Variants in LRFN2 observed in about 807,000 individuals in gnomAD.
LRFN2 encodes leucine-rich repeat and fibronectin type-III domain-containing protein 2.
A neutral mutation model predicts 37.3 loss-of-function variants in LRFN2; 18 were observed. The ratio of observed to expected loss-of-function variants is 0.48; its 90% CI spans 0.33 to 0.72. LRFN2 has a LOEUF of 0.72. LRFN2 is among the 30% of genes least tolerant of loss of function. The pLI is 0.02. For missense variants in LRFN2, 1,006 were observed against 1,060.7 expected (o/e 0.95, Z 0.72); for synonymous variants, 556 against 466.6 (o/e 1.19, Z -2.47).
intron 1 of LRFN2, among the ~76,000 whole-genome samples, chr6:40,525,786 A>G (rs1470992158): frequency 6.6e-6 from 1 of 151,966 alleles, no homozygotes; most frequent in African/African-American, 2.4e-5. Flanking sequence ...CAGGCCTCCA[A>G]CCACCAGCCC....
intron 1 of LRFN2, among the ~76,000 whole-genome samples, chr6:40,550,123 C>G (rs375982): frequency 0.12 from 18,480 of 152,172 alleles, 1,397 homozygotes; most frequent in Non-Finnish European, 0.16. Context: ...GGTGCAGCTG[C>G]GGCACAGCCA....
intron 1 of LRFN2, among the ~76,000 whole-genome samples, chr6:40,433,657 A>T (rs561251093): frequency 2.0e-5 from 3 of 152,332 alleles, no homozygotes; most frequent in South Asian, 4.1e-4. Context: ...CTTAGCATGA[A>T]ATTAAATTGA....
Position 40,418,648 on chromosome 6 carries a change from A to G in LRFN2, c.1400+13066T>C, listed in dbSNP as rs140798059. On this transcript the variant is annotated intron_variant, in intron 2 of 2. Coordinates refer to ENST00000338305, the MANE Select transcript of LRFN2 (RefSeq NM_020737.3). ...CAGCAACAGGAGGAAGCCCAAAGTC[A>G]GGACAGCACTTGTTCCAAGCTCAAG... Among the ~76,000 whole-genome samples the G allele has an allele frequency of 3.0e-4, 45 of 152,342 alleles. No homozygotes were observed. In the East Asian group the frequency reaches 8.5e-3, roughly 29 times the overall value.
At chr6:40,578,659 C>A (rs914040203) in intron 1 of LRFN2, among the ~76,000 whole-genome samples, 1 of 152,104 alleles carries the variant, frequency 6.6e-6, no homozygotes, top group South Asian at 2.1e-4. Flanking sequence ...TAGAAAAATA[C>A]CACTATTTCT....
chr6:40,403,318 G>T (rs111330861), intron 2 of LRFN2, among the ~76,000 whole-genome samples: 1 of 7,984 alleles, frequency 1.3e-4, no homozygotes, highest in African/African-American at 1.4e-4. Flanking sequence ...GATAATGGGG[G>T]AAGCACATGT....
intron 1 of LRFN2, among the ~76,000 whole-genome samples, chr6:40,505,026 G>T (rs1765495039): frequency 6.6e-6 from 1 of 152,222 alleles, no homozygotes; most frequent in Admixed American, 6.5e-5. Flanking sequence ...ATGGCAGAGG[G>T]CAGAGGTGAA....
At chr6:40,515,874 CAG>C (rs1248483216) in intron 1 of LRFN2, among the ~76,000 whole-genome samples, 4 of 125,268 alleles carry the variant, frequency 3.2e-5, no homozygotes, top group Non-Finnish European at 4.7e-5. Flanking sequence ...GCCTGGGCAG[CAG>C]AGTGAGACTC....
rs1763100531 is a variant in LRFN2, at chr6:40,416,683, G to GAGAACTGA, written c.1400+15023_1400+15030dup. On this transcript the variant is annotated intron_variant, in intron 2 of 2. Coordinates refer to ENST00000338305, the MANE Select transcript of LRFN2 (RefSeq NM_020737.3). ...AGCCCTTGGCAATAAGTCCACACAGGAGAACTGAGCTTTGAGGTCACCTCG... is the reference window on the plus strand; with the variant it reads ...AGCCCTTGGCAATAAGTCCACACAGGAGAACTGAAGAACTGAGCTTTGAGGTCACCTCG... 4.6e-5 allele frequency among the ~76,000 whole-genome samples: 7 copies of GAGAACTGA among 152,260 alleles called. No homozygotes were observed. In the South Asian group the frequency reaches 1.5e-3, roughly 32 times the overall value.
At chr6:40,440,094 G>A (rs896180168) in intron 1 of LRFN2, among the ~76,000 whole-genome samples, 5 of 151,258 alleles carry the variant, frequency 3.3e-5, no homozygotes, top group South Asian at 4.2e-4. Flanking sequence ...TCATAAACCC[G>A]ATAAAAACAG....
intron 1 of LRFN2, among the ~76,000 whole-genome samples, chr6:40,495,985 T>A (rs1232628786): frequency 6.6e-6 from 1 of 151,810 alleles, no homozygotes; most frequent in Non-Finnish European, 1.5e-5. Context: ...AAAAATACAT[T>A]CCCTCTTCTC....
Position 40,432,224 on chromosome 6 carries a change from T to C in LRFN2, c.890A>G (p.Lys297Arg), listed in dbSNP as rs927961210. 6 of 1,613,990 alleles carry C rather than the reference T, an allele frequency of 3.7e-6. No individual in the cohort carries two copies. The highest frequency in any genetic ancestry group is 4.2e-6 in the Non-Finnish European group (5 of 1,180,028). Residue 297 changes from lysine to arginine, a missense_variant, in exon 2 of 3, where the codon AAG becomes AGG. Around this residue, in one of 4 missense-constraint regions of LRFN2, gnomAD observed 303 missense variants for 299.8 expected, o/e 1.01. Coordinates refer to ENST00000338305, the MANE Select transcript of LRFN2 (RefSeq NM_020737.3). ...EPPLITQHTH[K>R]LLVLEGQAAT... Reference sequence around the variant, plus strand: ...CGCCTGGCCCTCCAGAACCAGCAACTTGTGTGTGTGCTGGGTGATGAGAGG... The same window carrying C: ...CGCCTGGCCCTCCAGAACCAGCAACCTGTGTGTGTGCTGGGTGATGAGAGG...
chr6:40,460,936 G>A (rs558509073), intron 1 of LRFN2, among the ~76,000 whole-genome samples: 3 of 152,258 alleles, frequency 2.0e-5, no homozygotes, highest in African/African-American at 4.8e-5. Context: ...CTGAGTCTAC[G>A]GAACAACTAG....
chr6:40,582,376 T>G (rs915095274), intron 1 of LRFN2, among the ~76,000 whole-genome samples: 6 of 151,724 alleles, frequency 4.0e-5, no homozygotes, highest in South Asian at 2.1e-4. Context: ...CGTATGTTTT[T>G]GGGGCTGCCC....
chr6:40,422,761 G>A (rs1189802903), intron 2 of LRFN2, among the ~76,000 whole-genome samples: 2 of 152,088 alleles, frequency 1.3e-5, no homozygotes, highest in Admixed American at 1.3e-4. Flanking sequence ...TGTTTTCCTG[G>A]TATGGAATAA....
intron 1 of LRFN2, among the ~76,000 whole-genome samples, chr6:40,564,795 C>A (rs1767059246): frequency 6.6e-6 from 1 of 152,124 alleles, no homozygotes; most frequent in African/African-American, 2.4e-5. Context: ...TGATGCCCTA[C>A]CTACCTCCCC....
chr6:40,541,783 C>T (rs953426967), intron 1 of LRFN2, among the ~76,000 whole-genome samples: 3 of 152,230 alleles, frequency 2.0e-5, no homozygotes, highest in East Asian at 1.9e-4. Flanking sequence ...TCTCCTGAAA[C>T]GTGGGCCTCT....
intron 1 of LRFN2, among the ~76,000 whole-genome samples, chr6:40,524,823 C>T (rs765212236): frequency 6.6e-5 from 10 of 152,190 alleles, no homozygotes; most frequent in Admixed American, 4.6e-4. Flanking sequence ...ACCTCCACCC[C>T]CTGACCTCCA....
At chr6:40,541,776 C>T (rs921989484) in intron 1 of LRFN2, among the ~76,000 whole-genome samples, 9 of 152,348 alleles carry the variant, frequency 5.9e-5, no homozygotes, top group Middle Eastern at 3.4e-3. Context: ...ACATGACTCT[C>T]CTGAAACGTG....
chr6:40,577,501 T>C (rs1767309914), intron 1 of LRFN2, among the ~76,000 whole-genome samples: 1 of 151,038 alleles, frequency 6.6e-6, no homozygotes, highest in African/African-American at 2.4e-5. Context: ...GTTACATACG[T>C]ATACATGTGC....
Sources: gnomAD v4.1 joint callset for allele counts (sites outside exome capture counted in the v4.1 genomes callset) on GRCh38, gnomAD v4.1.1 for gene constraint, gnomAD v4.1.1 regional missense constraint, MANE v1.5 for transcripts, NCBI Gene and HGNC (gene_info 2026-07-23, HGNC 2026-07-21) for gene names.